The following PHB2 variants were observed in gnomAD, a reference collection of about 807,000 sequenced individuals.
PHB2 encodes the protein prohibitin-2.
PHB2 carries 22 observed loss-of-function variants against 46.4 expected under a neutral mutation model. That is an observed-to-expected ratio of 0.47 (90% confidence interval 0.34 to 0.68). The LOEUF (loss-of-function observed/expected upper bound fraction) is 0.68. Ranked by LOEUF, PHB2 falls within the 30% of genes least tolerant of loss-of-function variation. The probability of loss-of-function intolerance (pLI) is 0.01; values close to 1 mark genes in which losing one functional copy is unlikely to be tolerated. For missense variants in PHB2, 305 were observed against 382.8 expected (o/e 0.80, Z 1.70); for synonymous variants, 156 against 150.5 (o/e 1.04, Z -0.27).
rs1555151973 is a variant in PHB2, at chr12:6,970,583, G to A, written c.-40C>T. ...CCGGCGGCACTGGAGGTCAGAAGGG[G>A]GTGCCGGCCCGCCTCTACCCCGCTC... On this transcript the variant is annotated 5_prime_UTR_variant, in exon 1 of 10. Transcript: ENST00000535923. 2.6e-6 allele frequency: 4 copies of A among 1,545,690 alleles called. No homozygotes were observed.
At position 6,967,074 on chromosome 12, in the gene PHB2, G is replaced by A. The variant is rs986163703; in HGVS notation, c.789+97C>T. 7.4e-6 allele frequency: 8 copies of A among 1,079,270 alleles called. No individual in the cohort carries two copies. The highest frequency in any genetic ancestry group is 5.4e-5 in the East Asian group (2 of 37,346). 66.9% of individuals were successfully genotyped at this position (1,079,270 alleles called of 1,614,324 possible). A position where few individuals can be genotyped will look rare whatever the true frequency, so the allele number is the denominator to read the frequency against. ...GAGAAGCCAATCTGAGTAGAAACCG[G>A]AACAAGCAAGGTTCGAATTCCCTCA... On this transcript the variant is annotated intron_variant, in intron 7 of 9. Transcript: ENST00000535923. The surrounding 1 kb of genome is among the most constrained non-coding windows in gnomAD (Gnocchi z 4.9).
chr12:6,965,762 G>C (rs782775350), intron 9 of PHB2, 50 bp from the exon 10 acceptor site: 2 of 1,569,162 alleles, frequency 1.3e-6, no homozygotes, highest in Non-Finnish European at 8.8e-7. Flanking sequence ...ACATAAATGT[G>C]AGAGGCAGGA....
At chr12:6,966,640 C>A in intron 7 of PHB2, 140 bp from the exon 8 acceptor site, 1 of 674,500 alleles carries the variant, frequency 1.5e-6, no homozygotes, top group South Asian at 1.7e-5. Flanking sequence ...GGTTTCTGCT[C>A]GCACTTAGGG....
rs952007777 is a variant in PHB2, at chr12:6,967,037, C to T, written c.789+134G>A. On this transcript the variant is annotated intron_variant, in intron 7 of 9. Transcript: ENST00000535923. The surrounding 1 kb of genome is among the most constrained non-coding windows in gnomAD (Gnocchi z 4.9). ...GTGCGGGGATTACATGCGTGAGCCA[C>T]CGCGCCGGCCAGAGAAGCCAATCTG... 15 of 758,442 alleles carry T rather than the reference C, an allele frequency of 2.0e-5. No homozygotes were observed. Among genetic ancestry groups the T allele is most frequent in the Non-Finnish European group, 3.1e-5 (14 of 450,780 alleles). The allele number at this position is 758,442 out of a possible 1,614,324, so 47.0% of individuals were successfully genotyped here. A position where few individuals can be genotyped will look rare whatever the true frequency, so the allele number is the denominator to read the frequency against.
In PHB2 at chr12:6,966,476, A is replaced by G. The variant is rs782077305; in HGVS notation, c.814T>C (p.Tyr272His). The G allele has an allele frequency of 1.9e-6, 3 of 1,610,838 alleles. No individual in the cohort carries two copies. Among genetic ancestry groups the G allele is most frequent in the Non-Finnish European group, 2.5e-6 (3 of 1,177,004 alleles). Residue 272 changes from tyrosine to histidine, a missense_variant, in exon 8 of 10, where the codon TAT becomes CAT. By Grantham distance (83) the Tyr-to-His change is moderately conservative. This residue lies in a region of PHB2 where 241 missense variants were observed against 302.7 expected (regional missense o/e 0.80). Transcript: ENST00000535923. ...AGCACAAGGTTGTCAGCTGTGAGATAGATACGATTCTGTGATGTGGCGATC... is the reference window on the plus strand; with the variant it reads ...AGCACAAGGTTGTCAGCTGTGAGATGGATACGATTCTGTGATGTGGCGATC... ...KTIATSQNRIYLTADNLVLNL... is the reference protein window; with the variant it reads ...KTIATSQNRIHLTADNLVLNL...
At position 6,965,717 on chromosome 12, in the gene PHB2, A is replaced by T; in HGVS notation, c.873-5T>A. 1.2e-6 allele frequency: 2 copies of T among 1,610,336 alleles called. No individual in the cohort carries two copies. The highest frequency in any genetic ancestry group is 1.7e-6 in the Non-Finnish European group (2 of 1,177,156). ...TTACCCTTGATGAGGCTGTCACTGT[A>T]GGAAAAAAAAGATAGATAATGACAT... On this transcript the variant is annotated splice_polypyrimidine_tract_variant and splice_region_variant and intron_variant, in intron 9 of 9. Coordinates refer to ENST00000535923, the MANE Select transcript of PHB2 (RefSeq NM_001144831.2).
At chr12:6,968,768 G>A (rs1946260446) in intron 3 of PHB2, 173 bp from the exon 4 acceptor site, 1 of 652,208 alleles carries the variant, frequency 1.5e-6, no homozygotes, top group African/African-American at 1.8e-5. Context: ...CAGCTGAAAT[G>A]CACCCTCACC....
rs951472563 is a variant in PHB2, at chr12:6,970,237, T to G, written c.171A>C (p.Gly57=). ...HRAIFFNRIG[G]VQQDTILAEG... Reference sequence around the variant, plus strand: ...CGGCCAGGATAGTGTCCTGCTGCACTCCACCGATCCGATTGAAGAAGATGG... The same window carrying G: ...CGGCCAGGATAGTGTCCTGCTGCACGCCACCGATCCGATTGAAGAAGATGG... The change falls in exon 2 of 10, where the codon GGA becomes GGC. Residue 57 remains glycine (G), a synonymous_variant. Coordinates refer to ENST00000535923, the MANE Select transcript of PHB2 (RefSeq NM_001144831.2). 9.9e-6 allele frequency: 16 copies of G among 1,613,748 alleles called. No individual in the cohort carries two copies. The highest frequency in any genetic ancestry group is 1.3e-5 in the African/African-American group (1 of 74,942).
Position 6,967,791 on chromosome 12 carries a change from G to A in PHB2, c.608-12C>T, listed in dbSNP as rs887482577. On this transcript the variant is annotated splice_polypyrimidine_tract_variant and intron_variant, in intron 5 of 9. Transcript: ENST00000535923. This position sits in a 1 kb window ranked among gnomAD's most constrained non-coding sequence, Gnocchi z 4.9. The stretch of plus-strand genomic sequence containing the variant: ...GGCCTCCTGCTGGGCTGTGGTGGGA[G>A]AGAGTCAGGGAGACCCTGTCCTGGG... 2 of 1,611,300 alleles carry A rather than the reference G, an allele frequency of 1.2e-6. No individual in the cohort carries two copies. Among genetic ancestry groups the A allele is most frequent in the Admixed American group, 1.7e-5 (1 of 59,902 alleles).
At chr12:6,969,943 G>C (rs1395641656) in intron 2 of PHB2, 7 of 687,648 alleles carry the variant, frequency 1.0e-5, no homozygotes, top group Non-Finnish European at 1.6e-5. Context: ...AGCCTTGCCC[G>C]GTTTCCCCTC....
Position 6,968,463 on chromosome 12 carries a change from T to C in PHB2, c.425A>G (p.Lys142Arg). ...GGCATTGAACTTGGCCACCACACTC[T>C]TGAGCACCTCGTTGACAATGGACGG... is the stretch of plus-strand genomic sequence containing the variant. The part of the protein sequence containing the change: ...VLPSIVNEVL[K>R]SVVAKFNASQ... The change falls in exon 4 of 10, where the codon AAG becomes AGG. Residue 142 changes from lysine to arginine, a missense_variant. By Grantham distance (26) the Lys-to-Arg change is conservative (BLOSUM62 2). Around this residue, in one of 3 missense-constraint regions of PHB2, gnomAD observed 241 missense variants for 302.7 expected, o/e 0.80. Coordinates refer to ENST00000535923, the MANE Select transcript of PHB2 (RefSeq NM_001144831.2). 6.2e-7 allele frequency: 1 copy of C among 1,613,098 alleles called. No individual in the cohort carries two copies. The highest frequency in any genetic ancestry group is 8.5e-7 in the Non-Finnish European group (1 of 1,179,582).
chr12:6,965,775 C>G, intron 9 of PHB2, 63 bp from the exon 10 acceptor site: 1 of 1,557,688 alleles, frequency 6.4e-7, no homozygotes, highest in Non-Finnish European at 8.8e-7. Flanking sequence ...AGGCAGGACA[C>G]TCTAGGCCAT....
intron 4 of PHB2, 135 bp downstream of exon 4, chr12:6,968,276 C>G (rs1467082231): frequency 2.8e-6 from 2 of 720,508 alleles, no homozygotes; most frequent in African/African-American, 1.8e-5. Flanking sequence ...TTCACAGTGG[C>G]AATTAGCACA....
rs1226025230 is a variant in PHB2, at chr12:6,966,630, G to T, written c.790-130C>A. 5.7e-6 allele frequency: 4 copies of T among 698,792 alleles called. No homozygotes were observed. In the African/African-American group the frequency reaches 6.9e-5, roughly 12 times the overall value. The allele number at this position is 698,792 out of a possible 1,614,324, so 43.3% of individuals were successfully genotyped here. On this transcript the variant is annotated intron_variant, in intron 7 of 9. Coordinates refer to ENST00000535923, the MANE Select transcript of PHB2 (RefSeq NM_001144831.2). ...AGGGGTGCAGCAATGAGTAACACAT[G>T]GTTTCTGCTCGCACTTAGGGATCCA...
intron 2 of PHB2, chr12:6,969,899 C>CAA (rs782140561): frequency 1.3e-3 from 657 of 506,174 alleles, no homozygotes; most frequent in East Asian, 2.0e-3. Flanking sequence ...ACTCCCTCTC[C>CAA]AAAAAAAAAA....
chr12:6,969,433 G>A, intron 3 of PHB2, 65 bp downstream of exon 3: 1 of 842,826 alleles, frequency 1.2e-6, no homozygotes, highest in African/African-American at 1.7e-5. Flanking sequence ...ATATTCCCCT[G>A]GGGTTTCTTG....
Position 6,967,310 on chromosome 12 carries a change from C to T in PHB2, c.712-62G>A, listed in dbSNP as rs1240295981. The T allele has an allele frequency of 1.3e-5, 21 of 1,610,888 alleles. No homozygotes were observed. The highest frequency in any genetic ancestry group is 1.6e-5 in the Non-Finnish European group (19 of 1,177,628). On this transcript the variant is annotated intron_variant, in intron 6 of 9. Transcript: ENST00000535923. The surrounding 1 kb of genome is among the most constrained non-coding windows in gnomAD (Gnocchi z 4.9). ...AATCCCTGGCCCTGTCCTTACCACA[C>T]TCCCTTGCTCCAGTCCTCCTCTGGG... is the stretch of plus-strand genomic sequence containing the variant.
At chr12:6,969,843 G>A in intron 2 of PHB2, 1 of 507,394 alleles carries the variant, frequency 2.0e-6, no homozygotes, top group Non-Finnish European at 3.6e-6. Flanking sequence ...AGGTTGCAGT[G>A]AGCCGAGATC....
In PHB2 at chr12:6,968,288, C is replaced by T; in HGVS notation, c.477+123G>A. 1.2e-5 allele frequency: 9 copies of T among 768,982 alleles called. No individual in the cohort carries two copies. In the South Asian group the frequency reaches 1.2e-4, roughly 11 times the overall value. The allele number at this position is 768,982 out of a possible 1,614,324, so 47.6% of individuals were successfully genotyped here. The stretch of plus-strand genomic sequence containing the variant: ...TATTTCACAGTGGCAATTAGCACAG[C>T]TTTTAGGTGGAAATGGCACTAGGGT... On this transcript the variant is annotated intron_variant, in intron 4 of 9. Coordinates refer to ENST00000535923, the MANE Select transcript of PHB2 (RefSeq NM_001144831.2).
Sources: gnomAD v4.1 joint callset for allele counts on GRCh38, gnomAD v4.1.1 for gene constraint, gnomAD v4.1.1 regional missense constraint, Gnocchi (gnomAD v3.1) non-coding constraint, MANE v1.5 for transcripts, NCBI Gene and HGNC (gene_info 2026-07-23, HGNC 2026-07-21) for gene names.